AOX1: variants seen among roughly 807,000 people sequenced by gnomAD.
AOX1 encodes aldehyde oxidase.
AOX1 carries 153 observed loss-of-function variants against 169.5 expected under a neutral mutation model. The observed-to-expected ratio is 0.90, with a 90% confidence interval of 0.79 to 1.03. The LOEUF (loss-of-function observed/expected upper bound fraction) is 1.03. AOX1 is among the 50% of genes least tolerant of loss of function. The pLI is 0.00. For missense variants in AOX1, 1,656 were observed against 1,663.9 expected, an observed-to-expected ratio of 1.00 and a Z score of 0.08; for synonymous variants, 562 against 581.9, an observed-to-expected ratio of 0.97 and a Z score of 0.49.
At chr2:200,630,801 T>C (rs1219676190) in intron 20 of AOX1, among the ~76,000 whole-genome samples, 1 of 152,196 alleles carries the variant, frequency 6.6e-6, no homozygotes, top group Non-Finnish European at 1.5e-5. Context: ...AGCAACACTT[T>C]ATCTGTCTTC....
chr2:200,612,464 AAC>A (rs2034658835), intron 13 of AOX1, 143 bp from the exon 14 acceptor site: 208 of 735,008 alleles, frequency 2.8e-4, no homozygotes, highest in Non-Finnish European at 3.5e-4. Context: ...GGTGATGCTC[AAC>A]ACACACACAC....
Position 200,669,033 on chromosome 2 carries a change from C to T in AOX1, c.3798+230C>T, listed in dbSNP as rs185367996. 9.9e-5 allele frequency among the ~76,000 whole-genome samples: 15 copies of T among 152,274 alleles called. No individual in the cohort carries two copies. The East Asian group carries it at 2.9e-3, about 29-fold the overall frequency. ...CATCAGGTTCTATCTAATTTTTCAC[C>T]TTGCAATAATCATCTTCATGCCTAA... On this transcript the variant is annotated intron_variant, in intron 33 of 34. Coordinates refer to ENST00000374700, the MANE Select transcript of AOX1 (RefSeq NM_001159.4).
chr2:200,642,738 A>G lies in AOX1; in HGVS notation c.2784A>G (p.Ala928=). The G allele has an allele frequency of 6.2e-7, 1 of 1,614,140 alleles. No individual in the cohort carries two copies. The highest frequency in any genetic ancestry group is 1.7e-5 in the Admixed American group (1 of 60,020). ...TTCGTGGGTTTGGCTTTCCTCAGGCAGCGCTGATCACCGAATCTTGTATCA... is the reference window on the plus strand; with the variant it reads ...TTCGTGGGTTTGGCTTTCCTCAGGCGGCGCTGATCACCGAATCTTGTATCA... ...TAFRGFGFPQ[A]ALITESCITE... is the part of the protein sequence containing the mutation. The change falls in exon 25 of 35, where the codon GCA becomes GCG. Residue 928 remains alanine, a synonymous_variant. Coordinates refer to ENST00000374700, the MANE Select transcript of AOX1 (RefSeq NM_001159.4).
At chr2:200,681,918 C>G (rs1247631506), downstream of AOX1, among the ~76,000 whole-genome samples, 2 of 151,040 alleles carry the variant, frequency 1.3e-5, no homozygotes, top group African/African-American at 4.9e-5. Context: ...AAGCTGTGAC[C>G]TTTTGGGGTT....
At chr2:200,662,795 G>C in intron 30 of AOX1, 60 bp from the exon 31 acceptor site, 3 of 1,350,440 alleles carry the variant, frequency 2.2e-6, no homozygotes, top group Non-Finnish European at 3.2e-6. Context: ...GGTCTGTTTA[G>C]TCATCATGGT....
intron 13 of AOX1, 96 bp from the exon 14 acceptor site, chr2:200,612,513 T>C: frequency 8.1e-7 from 1 of 1,235,738 alleles, no homozygotes; most frequent in Non-Finnish European, 1.2e-6. Flanking sequence ...ACACACAGAC[T>C]GCCCGGTGTG....
chr2:200,668,514 T>C (rs765518064), intron 32 of AOX1, 101 bp from the exon 33 acceptor site: 12 of 1,087,454 alleles, frequency 1.1e-5, no homozygotes, highest in Non-Finnish European at 1.6e-5. Context: ...GCTCTTAAAC[T>C]GTAATTTTAA....
chr2:200,646,565 T>C (rs563888999), intron 25 of AOX1, among the ~76,000 whole-genome samples: 3 of 152,346 alleles, frequency 2.0e-5, no homozygotes, highest in African/African-American at 7.2e-5. Context: ...TGTATATATC[T>C]GTTTAGTCCA....
At chr2:200,591,536 C>T (rs1224300905) in intron 1 of AOX1, among the ~76,000 whole-genome samples, 1 of 152,178 alleles carries the variant, frequency 6.6e-6, no homozygotes, top group African/African-American at 2.4e-5. Context: ...GGCCTGAGTT[C>T]GAATTTCTTC....
At chr2:200,607,100 A>G (rs2034532543) in intron 10 of AOX1, among the ~76,000 whole-genome samples, 1 of 152,188 alleles carries the variant, frequency 6.6e-6, no homozygotes. Flanking sequence ...CCCATTCAGT[A>G]TGATATTGGC....
intron 15 of AOX1, among the ~76,000 whole-genome samples, chr2:200,614,848 T>C (rs910371026): frequency 6.6e-6 from 1 of 152,178 alleles, no homozygotes; most frequent in African/African-American, 2.4e-5. Flanking sequence ...TTTGAAATCA[T>C]AGATAAGTGA....
chr2:200,604,876 TGAG>T, intron 9 of AOX1, 36 bp downstream of exon 9: 1 of 1,598,250 alleles, frequency 6.3e-7, no homozygotes, highest in Non-Finnish European at 8.6e-7. Flanking sequence ...ATAGGGAAAT[TGAG>T]AAAAAGGGCT....
At chr2:200,652,111 G>A (rs928081589) in intron 26 of AOX1, among the ~76,000 whole-genome samples, 3 of 152,180 alleles carry the variant, frequency 2.0e-5, no homozygotes, top group African/African-American at 4.8e-5. Context: ...CGAGAGGGGC[G>A]TTAGTGTGGA....
chr2:200,611,758 G>A lies in AOX1; in HGVS notation c.1263+265G>A, dbSNP rs1302055667. The stretch of plus-strand genomic sequence containing the variant: ...CTCGCTCTTTTGCCCACACTGGAGT[G>A]CAGTGGCATGATCTGGGCTCACTGC... On this transcript the variant is annotated intron_variant, in intron 13 of 34. Coordinates refer to ENST00000374700, the MANE Select transcript of AOX1 (RefSeq NM_001159.4). 2.7e-5 allele frequency among the ~76,000 whole-genome samples: 4 copies of A among 149,678 alleles called. No individual in the cohort carries two copies. The South Asian group carries it at 6.3e-4, about 24-fold the overall frequency.
intron 23 of AOX1, 97 bp from the exon 24 acceptor site, chr2:200,641,001 A>T (rs2035341239): frequency 1.3e-6 from 1 of 785,476 alleles, no homozygotes; most frequent in African/African-American, 1.7e-5. Context: ...ATCCAATGTC[A>T]TGACGCTTTT....
chr2:200,609,464 T>C (rs2034587071), intron 12 of AOX1, 50 bp downstream of exon 12: 7 of 1,475,248 alleles, frequency 4.7e-6, no homozygotes, highest in Non-Finnish European at 6.6e-6. Context: ...CTCTACCCCT[T>C]TTTCTCTCTG....
intron 25 of AOX1, among the ~76,000 whole-genome samples, chr2:200,645,753 T>G (rs2035442039): frequency 6.6e-6 from 1 of 152,156 alleles, no homozygotes; most frequent in African/African-American, 2.4e-5. Flanking sequence ...TCGCTCTTGT[T>G]ATTGGTCTGT....
rs369760497 is a variant in AOX1, at chr2:200,609,163, G to A, written c.1059+28G>A. 148 of 1,611,844 alleles carry A rather than the reference G, an allele frequency of 9.2e-5. 1 individual carries two copies. The African/African-American group carries it at 1.9e-3, about 20-fold the overall frequency. Reference sequence around the variant, plus strand: ...ATGTATCTGATGACAGTAAACTCTGGTATGCATCCCTTGGGTGACTCTCCC... The same window carrying A: ...ATGTATCTGATGACAGTAAACTCTGATATGCATCCCTTGGGTGACTCTCCC... On this transcript the variant is annotated intron_variant, in intron 11 of 34. Transcript: ENST00000374700.
In AOX1 at chr2:200,605,561, C is replaced by T. The variant is rs772716079; in HGVS notation, c.840C>T (p.Val280=). The change falls in exon 10 of 35, where the codon GTC becomes GTT. Residue 280 remains valine (V), a synonymous_variant. Coordinates refer to ENST00000374700, the MANE Select transcript of AOX1 (RefSeq NM_001159.4). ...SVGPEVKFKG[V]FHPVIISPDR... ...GGCCTGAAGTGAAATTTAAAGGCGTCTTTCACCCAGTTATAATTTCTCCTG... is the reference window on the plus strand; with the variant it reads ...GGCCTGAAGTGAAATTTAAAGGCGTTTTTCACCCAGTTATAATTTCTCCTG... The T allele has an allele frequency of 6.5e-7, 1 of 1,548,064 alleles. No homozygotes were observed.
Sources: gnomAD v4.1 joint callset for allele counts (sites outside exome capture counted in the v4.1 genomes callset) on GRCh38, gnomAD v4.1.1 for gene constraint, MANE v1.5 for transcripts, NCBI Gene and HGNC (gene_info 2026-07-23, HGNC 2026-07-21) for gene names.